Variants in SNTA1 observed in about 807,000 individuals in gnomAD.
The protein encoded by SNTA1 is alpha-1-syntrophin.
Under a neutral mutation model 47.1 loss-of-function variants are expected in SNTA1, and 31 were observed. The ratio of observed to expected loss-of-function variants is 0.66; its 90% CI spans 0.49 to 0.89. The LOEUF (loss-of-function observed/expected upper bound fraction) is 0.89. Ranked by LOEUF, SNTA1 falls within the 40% of genes least tolerant of loss-of-function variation. The pLI is 0.00. For missense variants in SNTA1, 575 were observed against 693.0 expected, an observed-to-expected ratio of 0.83 and a Z score of 1.91; for synonymous variants, 300 against 313.6, an observed-to-expected ratio of 0.96 and a Z score of 0.46.
chr20:33,426,028 A>T lies in SNTA1; in HGVS notation c.497-8105T>A, dbSNP rs994446317. 1.3e-5 allele frequency among the ~76,000 whole-genome samples: 2 copies of T among 151,796 alleles called. 1 individual carries two copies. Among genetic ancestry groups the T allele is most frequent in the Non-Finnish European group, 2.9e-5 (2 of 67,962 alleles). ...GAGACAGAGGTTGCAGTGAGCCAAG[A>T]TCGTACCATGGCACTCCAGCCTGCG... is the stretch of plus-strand genomic sequence containing the variant. On this transcript the variant is annotated intron_variant, in intron 2 of 7. Transcript: ENST00000217381.
chr20:33,435,501 G>T (rs2146803026), intron 2 of SNTA1, among the ~76,000 whole-genome samples: 1 of 152,218 alleles, frequency 6.6e-6, no homozygotes, highest in East Asian at 2.0e-4. Context: ...AACTGAGGCA[G>T]AGAATCGCTT....
At chr20:33,418,212 G>T (rs920948514) in intron 2 of SNTA1, among the ~76,000 whole-genome samples, 1 of 150,848 alleles carries the variant, frequency 6.6e-6, no homozygotes, top group East Asian at 1.9e-4. Context: ...CTGGAAGAAA[G>T]ACTCTATTTC....
intron 3 of SNTA1, among the ~76,000 whole-genome samples, chr20:33,416,103 G>A (rs891099483): frequency 3.8e-4 from 58 of 152,268 alleles, no homozygotes; most frequent in African/African-American, 9.1e-4. Flanking sequence ...GCGATACTCC[G>A]TCTCAAAAAC....
At chr20:33,413,265 T>A (rs1200378027) in intron 3 of SNTA1, among the ~76,000 whole-genome samples, 1 of 152,092 alleles carries the variant, frequency 6.6e-6, no homozygotes, top group Non-Finnish European at 1.5e-5. Context: ...AGTGCTGGGA[T>A]TACAGGCATG....
At chr20:33,430,522 C>T (rs867137460) in intron 2 of SNTA1, among the ~76,000 whole-genome samples, 7 of 151,314 alleles carry the variant, frequency 4.6e-5, no homozygotes, top group African/African-American at 1.2e-4. Flanking sequence ...GTGATCCACC[C>T]GCCTCAGCCT....
At position 33,410,256 on chromosome 20, in the gene SNTA1, C is replaced by T. The variant is rs781605139; in HGVS notation, c.1116G>A (p.Thr372=). Residue 372 remains threonine, a synonymous_variant, in exon 6 of 8, where the codon ACG becomes ACA. Coordinates refer to ENST00000217381, the MANE Select transcript of SNTA1 (RefSeq NM_003098.3). The part of the protein sequence containing the change: ...AELSFALRTG[T]RHGVDTHLFS... Reference sequence around the variant, plus strand: ...ACAGGTGAGTGTCCACACCGTGACGCGTGCCCGTGCGCAGGGCAAAAGAGA... The same window carrying T: ...ACAGGTGAGTGTCCACACCGTGACGTGTGCCCGTGCGCAGGGCAAAAGAGA... The T allele has an allele frequency of 5.0e-6, 8 of 1,613,088 alleles. No individual in the cohort carries two copies. The highest frequency in any genetic ancestry group is 5.9e-6 in the Non-Finnish European group (7 of 1,179,864).
Position 33,436,010 on chromosome 20 carries a change from C to T in SNTA1, c.496+2831G>A, listed in dbSNP as rs770375806. Among the ~76,000 whole-genome samples, 18 of 151,984 alleles carry T rather than the reference C, an allele frequency of 1.2e-4. 1 individual carries two copies. The highest frequency in any genetic ancestry group is 7.8e-4 in the East Asian group (4 of 5,154). On this transcript the variant is annotated intron_variant, in intron 2 of 7. Transcript: ENST00000217381. ...GAGATCGAGACCATCCTGGCTAACA[C>T]GGTGAAACCACATCTCTACTAATAA...
Position 33,408,510 on chromosome 20 carries a change from G to T in SNTA1, c.1515C>A (p.Ala505=). 6.2e-7 allele frequency: 1 copy of T among 1,612,908 alleles called. No individual in the cohort carries two copies. Among genetic ancestry groups the T allele is most frequent in the Non-Finnish European group, 8.5e-7 (1 of 1,178,858 alleles). The change falls in exon 8 of 8, where the codon GCC becomes GCA. Residue 505 remains alanine, a synonymous_variant. Transcript: ENST00000217381. ...GGGCTAGTGCATCCGGCGACTTCTAGGCCAACAGCCCGAGGCGGGTGACTT... is the reference window on the plus strand; with the variant it reads ...GGGCTAGTGCATCCGGCGACTTCTATGCCAACAGCCCGAGGCGGGTGACTT... ...SAKVTRLGLL[A]
Position 33,443,361 on chromosome 20 carries a change from C to A in SNTA1, c.260G>T (p.Arg87Leu), listed in dbSNP as rs973574841. The A allele has an allele frequency of 1.4e-6, 2 of 1,463,826 alleles. No individual in the cohort carries two copies. The highest frequency in any genetic ancestry group is 1.5e-5 in the African/African-American group (1 of 68,392). The allele number at this position is 1,463,826 out of a possible 1,614,324, so 90.7% of individuals were successfully genotyped here. ...GGCGTCGGCCTTGCGCACCGTCACG[C>A]GGCGCCGCTGGAGCAGTAGCGCCTC... The part of the protein sequence containing the change: ...LPEALLLQRR[R>L]VTVRKADAGG... Residue 87 changes from arginine (R) to leucine (L), a missense_variant, in exon 1 of 8, where the codon CGC becomes CTC. Coordinates refer to ENST00000217381, the MANE Select transcript of SNTA1 (RefSeq NM_003098.3).
At chr20:33,420,916 G>A (rs977168664) in intron 2 of SNTA1, among the ~76,000 whole-genome samples, 21 of 150,762 alleles carry the variant, frequency 1.4e-4, no homozygotes, top group South Asian at 4.2e-4. Flanking sequence ...CCCGGGAGGC[G>A]GAGGTTCCAG....
intron 3 of SNTA1, among the ~76,000 whole-genome samples, chr20:33,416,498 T>C (rs2146770532): frequency 6.6e-6 from 1 of 152,260 alleles, no homozygotes; most frequent in African/African-American, 2.4e-5. Context: ...TTCCCCTCTC[T>C]GTCCTCATCT....
intron 1 of SNTA1, among the ~76,000 whole-genome samples, chr20:33,441,271 C>A (rs2146811618): frequency 6.6e-6 from 1 of 152,246 alleles, no homozygotes; most frequent in Admixed American, 6.5e-5. Context: ...AGTAGCGAAG[C>A]CAGTATTTGC....
At chr20:33,420,800 T>A (rs1227912470) in intron 2 of SNTA1, among the ~76,000 whole-genome samples, 1 of 151,512 alleles carries the variant, frequency 6.6e-6, no homozygotes, top group Non-Finnish European at 1.5e-5. Flanking sequence ...GCCAACATGG[T>A]GAAACCCTGT....
At position 33,443,564 on chromosome 20, in the gene SNTA1, C is replaced by A. The variant is rs1288013630; in HGVS notation, c.57G>T (p.Ala19=). Residue 19 remains alanine, a synonymous_variant, in exon 1 of 8, where the codon GCG becomes GCT. Transcript: ENST00000217381. ...RTGLLELRAG[A]GSGAGGERWQ... ...ATCGCTCGCCGCCGGCCCCCGAGCC[C>A]GCCCCGGCGCGCAGCTCCAGCAGCC... 7.6e-7 allele frequency: 1 copy of A among 1,323,268 alleles called. No individual in the cohort carries two copies. Among genetic ancestry groups the A allele is most frequent in the Non-Finnish European group, 9.7e-7 (1 of 1,029,128 alleles). The allele number at this position is 1,323,268 out of a possible 1,614,324, so 82.0% of individuals were successfully genotyped here. A position where few individuals can be genotyped will look rare whatever the true frequency, so the allele number is the denominator to read the frequency against.
chr20:33,409,079 A>G (rs1000079854), intron 6 of SNTA1, among the ~76,000 whole-genome samples, 191 bp from the exon 7 acceptor site: 2 of 151,888 alleles, frequency 1.3e-5, no homozygotes, highest in African/African-American at 4.8e-5. Flanking sequence ...ACCTACACCC[A>G]CTTCCAGTCC....
At chr20:33,408,657 C>T in intron 7 of SNTA1, 44 bp downstream of exon 7, 1 of 1,610,308 alleles carries the variant, frequency 6.2e-7, no homozygotes, top group Non-Finnish European at 8.5e-7. Flanking sequence ...TCCGAGAGTG[C>T]ACACCCCCTC....
intron 2 of SNTA1, among the ~76,000 whole-genome samples, chr20:33,430,596 G>A (rs187378529): frequency 6.6e-6 from 1 of 151,778 alleles, no homozygotes; most frequent in Admixed American, 6.6e-5. Context: ...TATTTAATGG[G>A]TGAGTAAACT....
At chr20:33,435,129 T>A (rs1326048205) in intron 2 of SNTA1, among the ~76,000 whole-genome samples, 1 of 151,274 alleles carries the variant, frequency 6.6e-6, no homozygotes, top group Non-Finnish European at 1.5e-5. Context: ...TAGCTGGGAT[T>A]ACAGGCACGC....
At chr20:33,430,113 G>A (rs1050750153) in intron 2 of SNTA1, among the ~76,000 whole-genome samples, 1 of 151,924 alleles carries the variant, frequency 6.6e-6, no homozygotes, top group Non-Finnish European at 1.5e-5. Context: ...GTATCAACTC[G>A]GAAGCCTAGA....
Sources: gnomAD v4.1 joint callset for allele counts (sites outside exome capture counted in the v4.1 genomes callset) on GRCh38, gnomAD v4.1.1 for gene constraint, MANE v1.5 for transcripts, NCBI Gene and HGNC (gene_info 2026-07-23, HGNC 2026-07-21) for gene names.